Variants in KCNJ6 observed in about 807,000 individuals in gnomAD.
The protein encoded by KCNJ6 is potassium inwardly rectifying channel subfamily J member 6.
Under a neutral mutation model 34.2 loss-of-function variants are expected in KCNJ6, and 9 were observed. The observed-to-expected ratio is 0.26, with a 90% CI of 0.16 to 0.46. The LOEUF is 0.46. Among genes scored for constraint, KCNJ6 ranks in the 20% least tolerant of loss-of-function variants. KCNJ6 has a pLI of 1.00. For missense variants in KCNJ6, 236 were observed against 531.3 expected (o/e 0.44, Z 5.46); for synonymous variants, 196 against 207.1 (o/e 0.95, Z 0.46).
chr21:37,743,578 C>T lies in KCNJ6; in HGVS notation c.26-28447G>A, dbSNP rs73408740. 9.7e-3 allele frequency among the ~76,000 whole-genome samples: 1,472 copies of T among 152,130 alleles called. 24 individuals carry two copies. Among genetic ancestry groups the T allele is most frequent in the African/African-American group, 0.034 (1,419 of 41,488 alleles). ...TCCTCATAAGAGAATGAGTTTGGCC[C>T]CTCTCTTACTTTCTTCCCTCTCACC... On this transcript the variant is annotated intron_variant, in intron 2 of 3. Transcript: ENST00000609713.
chr21:37,625,436 C>A lies in KCNJ6; in HGVS notation c.995G>T (p.Trp332Leu). 1 of 1,614,160 alleles carries A rather than the reference C, an allele frequency of 6.2e-7. No homozygotes were observed. Among genetic ancestry groups the A allele is most frequent in the Non-Finnish European group, 8.5e-7 (1 of 1,180,012 alleles). The change falls in exon 4 of 4, where the codon TGG becomes TTG. Residue 332 changes from tryptophan to leucine, a missense_variant. Physicochemically the swap from Trp to Leu is moderately conservative, Grantham distance 61. Around this residue, in one of 5 missense-constraint regions of KCNJ6, gnomAD observed 60 missense variants for 207.3 expected, o/e 0.29. Transcript: ENST00000609713. ...CAGGACAGGTGTGAACCGGTAACCCCACAGGATCTCACTGGTGATGTAGGA... is the reference window on the plus strand; with the variant it reads ...CAGGACAGGTGTGAACCGGTAACCCAACAGGATCTCACTGGTGATGTAGGA... ...RSSYITSEIL[W>L]GYRFTPVLTL...
chr21:37,790,597 G>C (rs1313521082), intron 2 of KCNJ6, among the ~76,000 whole-genome samples: 2 of 152,152 alleles, frequency 1.3e-5, no homozygotes, highest in African/African-American at 2.4e-5. Flanking sequence ...GGATTAAAAG[G>C]CCAAGTGCCT....
At chr21:37,850,757 T>C (rs2055533528) in intron 1 of KCNJ6, among the ~76,000 whole-genome samples, 1 of 152,126 alleles carries the variant, frequency 6.6e-6, no homozygotes, top group Non-Finnish European at 1.5e-5. Flanking sequence ...AATGATGCAA[T>C]GTTGTATTAC....
chr21:37,864,680 C>G (rs934742528), intron 1 of KCNJ6, among the ~76,000 whole-genome samples: 4 of 152,178 alleles, frequency 2.6e-5, no homozygotes, highest in Non-Finnish European at 4.4e-5. Flanking sequence ...TCTTATTGGA[C>G]TGTTACAGGA....
intron 3 of KCNJ6, among the ~76,000 whole-genome samples, chr21:37,712,980 C>T (rs761884427): frequency 2.0e-5 from 3 of 151,892 alleles, no homozygotes; most frequent in South Asian, 2.1e-4. Context: ...GAAAGGAGAC[C>T]GCTCCTACCA....
chr21:37,721,916 C>T (rs2054828447), intron 2 of KCNJ6, among the ~76,000 whole-genome samples: 1 of 152,176 alleles, frequency 6.6e-6, no homozygotes, highest in South Asian at 2.1e-4. Flanking sequence ...GGTGGGGCAT[C>T]TGAAAAGCAA....
At chr21:37,652,478 C>A (rs895605437) in intron 3 of KCNJ6, among the ~76,000 whole-genome samples, 1 of 152,012 alleles carries the variant, frequency 6.6e-6, no homozygotes, top group Non-Finnish European at 1.5e-5. Context: ...ATTGTGGAAG[C>A]GAAGGAGGGT....
chr21:37,800,554 A>G (rs747219064), intron 2 of KCNJ6, among the ~76,000 whole-genome samples: 4 of 152,242 alleles, frequency 2.6e-5, no homozygotes, highest in Non-Finnish European at 4.4e-5. Context: ...AAAAATCCAC[A>G]TTAGTACAAT....
intron 2 of KCNJ6, among the ~76,000 whole-genome samples, chr21:37,788,052 C>A (rs1216036032): frequency 6.6e-6 from 1 of 152,144 alleles, no homozygotes; most frequent in South Asian, 2.1e-4. Context: ...GTGCAAAAAC[C>A]AGAATTTGAG....
intron 2 of KCNJ6, among the ~76,000 whole-genome samples, chr21:37,715,682 G>T (rs1205228375): frequency 2.6e-5 from 4 of 152,168 alleles, no homozygotes; most frequent in African/African-American, 9.6e-5. Context: ...AGGCCATAGG[G>T]TTGGGGCTCC....
At chr21:37,913,570 A>G (rs2055877346) in intron 1 of KCNJ6, among the ~76,000 whole-genome samples, 1 of 152,244 alleles carries the variant, frequency 6.6e-6, no homozygotes, top group African/African-American at 2.4e-5. Context: ...CTGTAATCCC[A>G]GCACTCTGGG....
At chr21:37,846,448 G>A (rs1403946843) in intron 1 of KCNJ6, among the ~76,000 whole-genome samples, 1 of 150,548 alleles carries the variant, frequency 6.6e-6, no homozygotes, top group African/African-American at 2.4e-5. Context: ...ATTCATGAAT[G>A]CAGAGTATCT....
chr21:37,629,039 G>A (rs993094701), intron 3 of KCNJ6, among the ~76,000 whole-genome samples: 3 of 152,010 alleles, frequency 2.0e-5, no homozygotes, highest in African/African-American at 4.8e-5. Context: ...AATAATAAAC[G>A]GAGTCCTTCA....
chr21:37,791,377 C>T (rs984879485), intron 2 of KCNJ6, among the ~76,000 whole-genome samples: 41 of 152,322 alleles, frequency 2.7e-4, no homozygotes, highest in African/African-American at 9.4e-4. Context: ...GACTATCCCC[C>T]GTCACAGTTC....
intron 1 of KCNJ6, among the ~76,000 whole-genome samples, chr21:37,862,217 T>TGTG (rs1266479869): frequency 1.3e-5 from 2 of 152,200 alleles, no homozygotes; most frequent in Admixed American, 1.3e-4. Context: ...TATACAACAG[T>TGTG]TGAATCCCCC....
intron 3 of KCNJ6, among the ~76,000 whole-genome samples, chr21:37,681,194 C>G (rs1443346676): frequency 6.6e-6 from 1 of 152,250 alleles, no homozygotes; most frequent in Non-Finnish European, 1.5e-5. Flanking sequence ...TCAGAAATAA[C>G]AATGCCAAGG....
chr21:37,737,463 G>A (rs781207556), intron 2 of KCNJ6, among the ~76,000 whole-genome samples: 12 of 94,110 alleles, frequency 1.3e-4, no homozygotes, highest in Non-Finnish European at 2.2e-4. Context: ...CTCTGTTGGC[G>A]TTTGTTTGTT....
chr21:37,907,561 G>A (rs763299123), intron 1 of KCNJ6, among the ~76,000 whole-genome samples: 10 of 152,150 alleles, frequency 6.6e-5, no homozygotes, highest in Non-Finnish European at 1.5e-4. Context: ...AGAATTCAGA[G>A]CTGTGTAAAT....
chr21:37,846,391 GTGTGTGTGTGTGT>G (rs2055508200), intron 1 of KCNJ6, among the ~76,000 whole-genome samples: 2 of 151,408 alleles, frequency 1.3e-5, no homozygotes, highest in Admixed American at 6.6e-5. Flanking sequence ...GTGTGTGTGT[GTGTGTGTGTGTGT>G]GAGGGAGAGA....
Sources: gnomAD v4.1 joint callset for allele counts (sites outside exome capture counted in the v4.1 genomes callset) on GRCh38, gnomAD v4.1.1 for gene constraint, gnomAD v4.1.1 regional missense constraint, MANE v1.5 for transcripts, NCBI Gene and HGNC (gene_info 2026-07-23, HGNC 2026-07-21) for gene names.